AKAP12: variants seen among roughly 807,000 people sequenced by gnomAD.
The protein encoded by AKAP12 is A-kinase anchoring protein 12.
AKAP12 carries 32 observed loss-of-function variants against 79.9 expected under a neutral mutation model. That is an observed-to-expected ratio of 0.40 (90% CI 0.30 to 0.54). The LOEUF (loss-of-function observed/expected upper bound fraction) is 0.54. AKAP12 is among the 20% of genes least tolerant of loss of function. The pLI is 0.48. For missense variants in AKAP12, 2,074 were observed against 2,177.0 expected, an observed-to-expected ratio of 0.95 and a Z score of 0.94; for synonymous variants, 808 against 857.0, an observed-to-expected ratio of 0.94 and a Z score of 1.00.
intron 3 of AKAP12, among the ~76,000 whole-genome samples, chr6:151,330,952 C>T (rs143201576): frequency 1.4e-4 from 21 of 151,934 alleles, no homozygotes; most frequent in South Asian, 4.2e-4. Context: ...GCTTTGGGGA[C>T]GGGGAGATTA....
chr6:151,257,865 G>A (rs1797331935), intron 2 of AKAP12, among the ~76,000 whole-genome samples: 1 of 152,226 alleles, frequency 6.6e-6, no homozygotes, highest in Non-Finnish European at 1.5e-5. Context: ...GGAAGAGAAA[G>A]AGGAGTAGAA....
At chr6:151,270,786 A>T (rs903964447) in intron 2 of AKAP12, among the ~76,000 whole-genome samples, 24 of 150,726 alleles carry the variant, frequency 1.6e-4, no homozygotes, top group African/African-American at 5.8e-4. Flanking sequence ...AATTGTGTGG[A>T]TCCCTTTTGC....
intron 3 of AKAP12, among the ~76,000 whole-genome samples, chr6:151,323,142 C>T (rs1777439217): frequency 6.6e-6 from 1 of 152,168 alleles, no homozygotes; most frequent in African/African-American, 2.4e-5. Context: ...GGCCGTGCAC[C>T]CTGTCCTTGA....
intron 2 of AKAP12, among the ~76,000 whole-genome samples, chr6:151,285,941 A>G (rs1294521956): frequency 6.6e-6 from 1 of 151,032 alleles, no homozygotes; most frequent in Non-Finnish European, 1.5e-5. Flanking sequence ...GAAATGGCGC[A>G]ATCTCCGTTC....
chr6:151,250,645 G>A lies in AKAP12; in HGVS notation c.162+9921G>A, dbSNP rs546797034. Among the ~76,000 whole-genome samples, 362 of 148,132 alleles carry A rather than the reference G, an allele frequency of 2.4e-3. 1 individual carries two copies. Among genetic ancestry groups the A allele is most frequent in the African/African-American group, 7.9e-3 (317 of 40,266 alleles). ...TTTTGAGACGGAGTCTCGCTCTGTT[G>A]CCCAGGCTGGAGTGCAGTGGCGCGA... On this transcript the variant is annotated intron_variant, in intron 2 of 4. Coordinates refer to ENST00000402676, the MANE Select transcript of AKAP12 (RefSeq NM_005100.4).
At chr6:151,303,563 C>T (rs949608246) in intron 2 of AKAP12, among the ~76,000 whole-genome samples, 20 of 152,346 alleles carry the variant, frequency 1.3e-4, no homozygotes, top group African/African-American at 4.3e-4. Context: ...CTTGAACCCA[C>T]TGTCCCTTCA....
At chr6:151,264,836 GT>G (rs1797518531) in intron 2 of AKAP12, among the ~76,000 whole-genome samples, 1 of 151,970 alleles carries the variant, frequency 6.6e-6, no homozygotes, top group South Asian at 2.1e-4. Flanking sequence ...GCTTAAATCT[GT>G]GGGAAAATAA....
intron 2 of AKAP12, among the ~76,000 whole-genome samples, chr6:151,256,390 A>G (rs1293516062): frequency 1.3e-5 from 2 of 152,144 alleles, no homozygotes; most frequent in South Asian, 4.1e-4. Flanking sequence ...CTTTAGTAGT[A>G]TTTTGTGGCT....
chr6:151,331,884 C>CAAAA lies in AKAP12; in HGVS notation c.320-16813_320-16810dup, dbSNP rs565268957. ...TGGACGACAGAGCGAGACTCCGTCT[C>CAAAA]AAAAAAAAAAAAAAAAAGTTTTGTT... is the stretch of plus-strand genomic sequence containing the variant. On this transcript the variant is annotated intron_variant, in intron 3 of 4. Coordinates refer to ENST00000402676, the MANE Select transcript of AKAP12 (RefSeq NM_005100.4). Among the ~76,000 whole-genome samples the CAAAA allele has an allele frequency of 3.0e-4, 28 of 94,106 alleles. 1 individual carries two copies. The highest frequency in any genetic ancestry group is 6.0e-4 in the African/African-American group (15 of 24,880). The allele number at this position is 94,106 out of a possible 152,430, so 61.7% of individuals were successfully genotyped here. A position where few individuals can be genotyped will look rare whatever the true frequency, so the allele number is the denominator to read the frequency against.
Position 151,349,033 on chromosome 6 carries a change from C to A in AKAP12, c.642C>A (p.Asp214Glu). The change falls in exon 4 of 5, where the codon GAC (aspartate) becomes GAA (glutamate). Residue 214 changes from aspartate (D) to glutamate (E), a missense_variant. This residue lies in a region of AKAP12 where 1,428 missense variants were observed against 1,451.0 expected (regional missense o/e 0.98). Coordinates refer to ENST00000402676, the MANE Select transcript of AKAP12 (RefSeq NM_005100.4). ...GGGAGGGAGCAGCAGGGGCTGGCGA[C>A]CACAAGGACCCCAGCCTTGGGGCTG... is the stretch of plus-strand genomic sequence containing the variant. ...DEGEGAAGAG[D>E]HKDPSLGAGE... 10 of 1,613,474 alleles carry A rather than the reference C, an allele frequency of 6.2e-6. No individual in the cohort carries two copies. Among genetic ancestry groups the A allele is most frequent in the Non-Finnish European group, 8.5e-6 (10 of 1,179,898 alleles).
intron 2 of AKAP12, among the ~76,000 whole-genome samples, chr6:151,294,886 G>A (rs1776691534): frequency 6.6e-6 from 1 of 152,204 alleles, no homozygotes; most frequent in Non-Finnish European, 1.5e-5. Context: ...GTTAGTAGAT[G>A]TGACTCAGAG....
chr6:151,255,727 C>T (rs926562), intron 2 of AKAP12, among the ~76,000 whole-genome samples: 97,066 of 151,916 alleles, frequency 0.64, 31,969 homozygotes, highest in East Asian at 0.81. Flanking sequence ...GAGGTCTGGG[C>T]TACAGTGAGT....
intron 3 of AKAP12, among the ~76,000 whole-genome samples, chr6:151,345,932 T>TGAGAGAGAGAGAGAGAGAGAGAGA (rs56202215): frequency 3.5e-4 from 36 of 101,440 alleles, no homozygotes; most frequent in African/African-American, 1.4e-3. Flanking sequence ...TGTGTGTGTG[T>TGAGAGAGAGAGAGAGAGAGAGAGA]GAGAGAGAGA....
chr6:151,305,603 T>A, intron 2 of AKAP12, 144 bp from the exon 3 acceptor site: 1 of 802,512 alleles, frequency 1.2e-6, no homozygotes. Context: ...CAGACAAATA[T>A]AAGACTTAAC....
chr6:151,330,039 G>A (rs1273107807), intron 3 of AKAP12, among the ~76,000 whole-genome samples: 19 of 152,202 alleles, frequency 1.2e-4, no homozygotes, highest in Admixed American at 1.2e-3. Flanking sequence ...ACCAGGGATT[G>A]GGACTGGGCA....
chr6:151,276,395 G>A (rs1376496315), intron 2 of AKAP12, among the ~76,000 whole-genome samples: 3 of 152,216 alleles, frequency 2.0e-5, no homozygotes, highest in East Asian at 1.9e-4. Flanking sequence ...ATGTTTGAAA[G>A]TGATTAAGAC....
chr6:151,322,768 C>T (rs1322151574), intron 3 of AKAP12, among the ~76,000 whole-genome samples: 2 of 152,226 alleles, frequency 1.3e-5, no homozygotes, highest in Non-Finnish European at 2.9e-5. Flanking sequence ...GGTGTGTGCA[C>T]CATCCATGAC....
intron 3 of AKAP12, among the ~76,000 whole-genome samples, chr6:151,318,000 TCACCGTGTAAGCTTAG>T (rs1777274125): frequency 6.6e-6 from 1 of 152,214 alleles, no homozygotes; most frequent in South Asian, 2.1e-4. Flanking sequence ...CCCTGTGACC[TCACCGTGTAAGCTTAG>T]CATTATGGAC....
In AKAP12 at chr6:151,351,831, T is replaced by TA; in HGVS notation, c.3444dup (p.Ser1149IlefsTer13). 1 of 1,613,736 alleles carries TA rather than the reference T, an allele frequency of 6.2e-7. No homozygotes were observed. On this transcript the variant is annotated frameshift_variant, in exon 4 of 5. Transcript: ENST00000402676. LOFTEE classifies it low-confidence loss of function (END_TRUNC). This position sits in a 1 kb window ranked among gnomAD's most constrained non-coding sequence, Gnocchi z 4.4. ...TGTCAAGCCGAAACCTTAGCTGGGG[T>TA]AAAATCACAGGAGATGGTGATGGAA...
Sources: gnomAD v4.1 joint callset for allele counts (sites outside exome capture counted in the v4.1 genomes callset) on GRCh38, gnomAD v4.1.1 for gene constraint, gnomAD v4.1.1 regional missense constraint, Gnocchi (gnomAD v3.1) non-coding constraint, MANE v1.5 for transcripts, NCBI Gene and HGNC (gene_info 2026-07-23, HGNC 2026-07-21) for gene names.